Variants in MEI1 observed in about 807,000 individuals in gnomAD.
MEI1 encodes meiotic double-stranded break formation protein 1.
MEI1 carries 103 observed loss-of-function variants against 146.2 expected under a neutral mutation model. The observed-to-expected ratio is 0.70, with a 90% CI of 0.60 to 0.83. The LOEUF is 0.83. MEI1 is among the 40% of genes least tolerant of loss of function. MEI1 has a pLI of 0.00. For synonymous variants in MEI1, 652 were observed against 628.2 expected, an observed-to-expected ratio of 1.04 and a Z score of -0.57; for missense variants, 1,529 against 1,533.0, an observed-to-expected ratio of 1.00 and a Z score of 0.04.
intron 26 of MEI1, among the ~76,000 whole-genome samples, chr22:41,790,467 AGCAATAGAGG>A (rs1376445951): frequency 3.9e-5 from 6 of 152,204 alleles, no homozygotes; most frequent in African/African-American, 1.4e-4. Context: ...ACAGTAACCC[AGCAATAGAGG>A]AAATCCCTCT....
chr22:41,765,852 C>A, intron 19 of MEI1, among the ~76,000 whole-genome samples: 1 of 144,380 alleles, frequency 6.9e-6, no homozygotes. Context: ...CCTTAGTCAT[C>A]AATAGTCAAA....
At chr22:41,794,608 C>A in intron 28 of MEI1, 131 bp downstream of exon 28, 1 of 703,696 alleles carries the variant, frequency 1.4e-6, no homozygotes, top group Non-Finnish European at 2.4e-6. Flanking sequence ...AGGCCTTCAC[C>A]CTACAAGAGA....
At chr22:41,782,937 G>A (rs913991886) in intron 24 of MEI1, among the ~76,000 whole-genome samples, 4 of 152,052 alleles carry the variant, frequency 2.6e-5, no homozygotes, top group Admixed American at 6.5e-5. Context: ...ACAGTCTCCT[G>A]GCCACCCGCC....
At chr22:41,701,243 A>T (rs1438816545) in intron 1 of MEI1, among the ~76,000 whole-genome samples, 1 of 152,064 alleles carries the variant, frequency 6.6e-6, no homozygotes, top group Non-Finnish European at 1.5e-5. Context: ...CCGGCCAAAC[A>T]GCTGGATTTT....
At chr22:41,734,986 G>C (rs1285831192) in intron 11 of MEI1, among the ~76,000 whole-genome samples, 1 of 148,368 alleles carries the variant, frequency 6.7e-6, no homozygotes, top group Non-Finnish European at 1.5e-5. Flanking sequence ...TTTTGAGATG[G>C]AGTCTCCCTC....
Position 41,781,659 on chromosome 22 carries a change from GGC to G in MEI1, c.2927-25_2927-24del, listed in dbSNP as rs758193831. The G allele has an allele frequency of 1.1e-4, 176 of 1,608,732 alleles. No homozygotes were observed. In the African/African-American group the frequency reaches 2.2e-3, roughly 20 times the overall value. ...CTGAAGCTCCTCTGTAACTCCTGTG[GGC>G]CCTGCCTTGCCCACCCCCGACAGCT... On this transcript the variant is annotated intron_variant, in intron 23 of 30. Coordinates refer to ENST00000401548, the MANE Select transcript of MEI1 (RefSeq NM_152513.4).
intron 26 of MEI1, 82 bp from the exon 27 acceptor site, chr22:41,793,747 A>G (rs1041033170): frequency 2.4e-6 from 3 of 1,264,536 alleles, no homozygotes; most frequent in Admixed American, 5.4e-5. Flanking sequence ...AGTAACTCTG[A>G]AAACCAAATG....
chr22:41,796,727 G>A (rs569499392), intron 30 of MEI1, among the ~76,000 whole-genome samples: 1 of 152,176 alleles, frequency 6.6e-6, no homozygotes, highest in South Asian at 2.1e-4. Flanking sequence ...GGTGGCTCAC[G>A]CCTGAGGCCA....
chr22:41,752,731 G>A (rs1176652667), intron 16 of MEI1, 80 bp downstream of exon 16: 1 of 1,270,510 alleles, frequency 7.9e-7, no homozygotes, highest in Non-Finnish European at 1.1e-6. Context: ...TTGTTGGCTG[G>A]TGTGTTTTAG....
At chr22:41,794,245 G>T in intron 27 of MEI1, 126 bp from the exon 28 acceptor site, 1 of 796,386 alleles carries the variant, frequency 1.3e-6, no homozygotes, top group South Asian at 1.6e-5. Flanking sequence ...ACCCTCCTTG[G>T]GTCAGCTTGT....
chr22:41,797,875 C>T (rs899717858), intron 30 of MEI1, among the ~76,000 whole-genome samples: 1 of 152,096 alleles, frequency 6.6e-6, no homozygotes, highest in Non-Finnish European at 1.5e-5. Context: ...CAGCTCCTGG[C>T]TTGGTGTGAA....
chr22:41,747,143 C>G (rs1018616502), intron 14 of MEI1, among the ~76,000 whole-genome samples: 1 of 151,658 alleles, frequency 6.6e-6, no homozygotes, highest in African/African-American at 2.4e-5. Flanking sequence ...CAGCTGTTTA[C>G]AGAAAGGGAA....
intron 15 of MEI1, 119 bp from the exon 16 acceptor site, chr22:41,752,472 A>C: frequency 2.2e-6 from 2 of 911,770 alleles, no homozygotes; most frequent in East Asian, 2.7e-5. Flanking sequence ...GGTGGAGTAC[A>C]TTTTGAACCA....
rs762936914 is a variant in MEI1, at chr22:41,776,231, C to T, written c.2674C>T (p.Arg892Cys). The change falls in exon 21 of 31, where the codon CGT becomes TGT. Residue 892 changes from arginine (R) to cysteine (C), a missense_variant. Coordinates refer to ENST00000401548, the MANE Select transcript of MEI1 (RefSeq NM_152513.4). ...AGGCCACTTCCTGCTGATCCTGCAGCGTCTGCTAGTGGAGCATGGGGCATC... is the reference window on the plus strand; with the variant it reads ...AGGCCACTTCCTGCTGATCCTGCAGTGTCTGCTAGTGGAGCATGGGGCATC... ...IRGHFLLILQ[R>C]LLVEHGASPS... 9.9e-6 allele frequency: 16 copies of T among 1,613,736 alleles called. No homozygotes were observed. The highest frequency in any genetic ancestry group is 6.7e-5 in the African/African-American group (5 of 74,920).
In MEI1 at chr22:41,784,837, G is replaced by A. The variant is rs931215834; in HGVS notation, c.3345+54G>A. ...TCTCCCAGGACAACAGCAGGAAGGG[G>A]TGGCTGCCTGTCGAGAGCCTGATAC... On this transcript the variant is annotated intron_variant, in intron 26 of 30. Coordinates refer to ENST00000401548, the MANE Select transcript of MEI1 (RefSeq NM_152513.4). The A allele has an allele frequency of 4.0e-5, 58 of 1,454,718 alleles. No individual in the cohort carries two copies. In the Admixed American group the frequency reaches 1.0e-3, roughly 26 times the overall value. 90.1% of individuals were successfully genotyped at this position (1,454,718 alleles called of 1,614,324 possible).
At chr22:41,787,636 T>A (rs944581983) in intron 26 of MEI1, among the ~76,000 whole-genome samples, 9 of 152,142 alleles carry the variant, frequency 5.9e-5, no homozygotes, top group African/African-American at 2.2e-4. Flanking sequence ...GGAGGGCCAG[T>A]TAGGGAAATG....
In MEI1 at chr22:41,788,262, C is replaced by G. The variant is rs186863062; in HGVS notation, c.3345+3479C>G. Among the ~76,000 whole-genome samples the G allele has an allele frequency of 1.3e-4, 20 of 150,844 alleles. No individual in the cohort carries two copies. The East Asian group carries it at 3.6e-3, about 27-fold the overall frequency. ...CAGGCTGGTCTCGAACTCGTGACCT[C>G]AAGTGATCCACCTGCCTCGGCATCC... On this transcript the variant is annotated intron_variant, in intron 26 of 30. Transcript: ENST00000401548.
At chr22:41,750,332 G>C (rs949606346) in intron 15 of MEI1, among the ~76,000 whole-genome samples, 1 of 152,232 alleles carries the variant, frequency 6.6e-6, no homozygotes, top group South Asian at 2.1e-4. Flanking sequence ...GAGTTTTGTG[G>C]ATTGGGGAGT....
chr22:41,704,522 T>C (rs2068938921), intron 2 of MEI1, among the ~76,000 whole-genome samples: 3 of 151,624 alleles, frequency 2.0e-5, no homozygotes. Context: ...CAAGCAATTC[T>C]CCTGTCTCAG....
Sources: gnomAD v4.1 joint callset for allele counts (sites outside exome capture counted in the v4.1 genomes callset) on GRCh38, gnomAD v4.1.1 for gene constraint, MANE v1.5 for transcripts, NCBI Gene and HGNC (gene_info 2026-07-23, HGNC 2026-07-21) for gene names.